ACVR1: variants seen among roughly 807,000 people sequenced by gnomAD.
ACVR1 encodes activin receptor type-1.
Under a neutral mutation model 57.1 loss-of-function variants are expected in ACVR1, and 38 were observed. The observed-to-expected ratio is 0.67, with a 90% CI of 0.51 to 0.87. ACVR1 has a LOEUF of 0.87. Ranked by LOEUF, ACVR1 falls within the 40% of genes least tolerant of loss-of-function variation. The pLI, the probability that ACVR1 is intolerant of heterozygous loss-of-function variation, is 0.00. For missense variants in ACVR1, 463 were observed against 638.2 expected, an observed-to-expected ratio of 0.73 and a Z score of 2.96; for synonymous variants, 212 against 228.1, an observed-to-expected ratio of 0.93 and a Z score of 0.63.
At chr2:157,802,276 C>T (rs1042239694) in intron 2 of ACVR1, among the ~76,000 whole-genome samples, 4 of 151,998 alleles carry the variant, frequency 2.6e-5, no homozygotes, top group African/African-American at 9.7e-5. Context: ...TATTGAGGTG[C>T]CTGTGGCCAG....
chr2:157,786,090 C>G (rs1346627678), intron 3 of ACVR1, among the ~76,000 whole-genome samples: 2 of 152,174 alleles, frequency 1.3e-5, no homozygotes, highest in Non-Finnish European at 1.5e-5. Context: ...CAGTCAACAC[C>G]TCTCCACCTA....
chr2:157,837,609 C>T (rs10933443), intron 1 of ACVR1, among the ~76,000 whole-genome samples: 95,354 of 152,080 alleles, frequency 0.63, 32,176 homozygotes, highest in Admixed American at 0.75. Context: ...CTGTAACCCT[C>T]AGATACATTT....
chr2:157,784,410 A>G (rs1686637317), intron 3 of ACVR1, among the ~76,000 whole-genome samples: 1 of 152,266 alleles, frequency 6.6e-6, no homozygotes, highest in African/African-American at 2.4e-5. Flanking sequence ...GCGAATATCC[A>G]GGAAGTGCCC....
intron 1 of ACVR1, chr2:157,860,070 C>T (rs1351152831): frequency 6.6e-6 from 1 of 152,132 alleles, no homozygotes; most frequent in Non-Finnish European, 1.5e-5. Flanking sequence ...GAGGTGGGCA[C>T]AGGCTCAGGT....
intron 5 of ACVR1, among the ~76,000 whole-genome samples, chr2:157,776,031 T>A (rs1197432270): frequency 6.6e-6 from 1 of 152,216 alleles, no homozygotes; most frequent in East Asian, 1.9e-4. Context: ...CCAAGGCTTG[T>A]TTTTCAATGT....
intron 3 of ACVR1, among the ~76,000 whole-genome samples, chr2:157,798,987 C>T (rs1574078645): frequency 2.6e-5 from 4 of 152,030 alleles, no homozygotes; most frequent in African/African-American, 9.7e-5. Flanking sequence ...ACCTCCGCCT[C>T]CCAGATTCAA....
In ACVR1 at chr2:157,799,961, TCTC is replaced by T. The variant is rs762612160; in HGVS notation, c.-7-464_-7-462del. Among the ~76,000 whole-genome samples, 166 of 152,270 alleles carry T rather than the reference TCTC, an allele frequency of 1.1e-3. 1 individual carries two copies. Among genetic ancestry groups the T allele is most frequent in the Non-Finnish European group, 2.0e-3 (137 of 68,022 alleles). ...CAAATTACTATGTTAGAGTCTTACT[TCTC>T]CTTTAAAAGGACTGGAGGCAGAGCA... On this transcript the variant is annotated intron_variant, in intron 2 of 10. Coordinates refer to ENST00000434821, the MANE Select transcript of ACVR1 (RefSeq NM_001111067.4).
chr2:157,816,198 A>G (rs1248151188), intron 2 of ACVR1, among the ~76,000 whole-genome samples: 1 of 152,234 alleles, frequency 6.6e-6, no homozygotes, highest in Non-Finnish European at 1.5e-5. Flanking sequence ...TGTAAATGGG[A>G]AAGTTTGTAT....
intron 9 of ACVR1, among the ~76,000 whole-genome samples, chr2:157,756,159 T>C (rs1685417341): frequency 6.6e-6 from 1 of 151,906 alleles, no homozygotes; most frequent in South Asian, 2.1e-4. Context: ...TATATAAAAA[T>C]CAACTTAAGA....
intron 6 of ACVR1, among the ~76,000 whole-genome samples, chr2:157,771,079 C>A (rs1294344154): frequency 6.6e-6 from 1 of 152,106 alleles, no homozygotes; most frequent in East Asian, 1.9e-4. Context: ...CAAAAACAAA[C>A]CAAAACACAA....
chr2:157,742,715 A>G (rs1684821476), intron 9 of ACVR1, among the ~76,000 whole-genome samples: 1 of 152,130 alleles, frequency 6.6e-6, no homozygotes, highest in South Asian at 2.1e-4. Flanking sequence ...CAGATCAAAT[A>G]TGTCCTAGAC....
intron 1 of ACVR1, among the ~76,000 whole-genome samples, chr2:157,851,910 C>CA: frequency 2.2e-5 from 3 of 137,042 alleles, no homozygotes; most frequent in Non-Finnish European, 4.8e-5. Flanking sequence ...CACACACACA[C>CA]CACCCCCACC....
At chr2:157,761,857 A>G (rs1165187958) in intron 8 of ACVR1, among the ~76,000 whole-genome samples, 1 of 152,232 alleles carries the variant, frequency 6.6e-6, no homozygotes, top group African/African-American at 2.4e-5. Flanking sequence ...AATGATTCCT[A>G]TAACATTTGT....
At chr2:157,808,563 A>T (rs1687640593) in intron 2 of ACVR1, among the ~76,000 whole-genome samples, 1 of 152,036 alleles carries the variant, frequency 6.6e-6, no homozygotes, top group Non-Finnish European at 1.5e-5. Flanking sequence ...GTACCAGACA[A>T]CTCCCTGGTG....
At chr2:157,845,849 G>T (rs1403719233) in intron 1 of ACVR1, among the ~76,000 whole-genome samples, 1 of 152,224 alleles carries the variant, frequency 6.6e-6, no homozygotes, top group Non-Finnish European at 1.5e-5. Flanking sequence ...AGCCAATGGG[G>T]AGTCACCAAA....
intron 5 of ACVR1, among the ~76,000 whole-genome samples, chr2:157,776,853 T>G (rs1686308320): frequency 6.6e-6 from 1 of 152,252 alleles, no homozygotes; most frequent in Admixed American, 6.5e-5. Context: ...GAACAAGACT[T>G]ACTGCAAAAT....
chr2:157,865,820 A>AGG, intron 1 of ACVR1, among the ~76,000 whole-genome samples: 3 of 125,498 alleles, frequency 2.4e-5, no homozygotes, highest in Admixed American at 2.4e-4. Flanking sequence ...GAAAAAGAAA[A>AGG]AAGATAGATA....
At chr2:157,769,820 T>C (rs1686010254) in intron 7 of ACVR1, among the ~76,000 whole-genome samples, 1 of 152,236 alleles carries the variant, frequency 6.6e-6, no homozygotes, top group African/African-American at 2.4e-5. Context: ...TATACTGCCA[T>C]AGCAGTATTT....
intron 1 of ACVR1, chr2:157,819,466 A>G (rs1688079090): frequency 6.8e-6 from 1 of 147,866 alleles, no homozygotes; most frequent in African/African-American, 2.5e-5. Context: ...ATTCCACTCC[A>G]GCCTGGACAA....
Sources: allele counts gnomAD v4.1 joint callset (sites outside exome capture counted in the v4.1 genomes callset), GRCh38; gene constraint gnomAD v4.1.1; transcripts MANE v1.5; gene names NCBI Gene and HGNC (gene_info 2026-07-23, HGNC 2026-07-21).